The following GALNT12 variants were observed in gnomAD, a reference collection of about 807,000 sequenced individuals.
GALNT12 encodes the protein UDP-GalNAc:polypeptide N-acetylgalactosaminyltransferase 12.
A neutral mutation model predicts 55.5 loss-of-function variants in GALNT12; 45 were observed. The observed-to-expected ratio is 0.81, with a 90% CI of 0.64 to 1.04. The LOEUF (loss-of-function observed/expected upper bound fraction) is 1.04. GALNT12 is among the 50% of genes least tolerant of loss of function. The pLI, the probability that GALNT12 is intolerant of heterozygous loss-of-function variation, is 0.00. For missense variants in GALNT12, 709 were observed against 754.8 expected, an observed-to-expected ratio of 0.94 and a Z score of 0.71; for synonymous variants, 304 against 312.2, an observed-to-expected ratio of 0.97 and a Z score of 0.28.
chr9:98,831,684 A>C, intron 3 of GALNT12, 88 bp from the exon 4 acceptor site: 1 of 1,414,008 alleles, frequency 7.1e-7, no homozygotes, highest in South Asian at 1.2e-5. Context: ...ATTGGAAGGA[A>C]GACAAGAATT....
chr9:98,827,467 C>T (rs544905553), intron 3 of GALNT12, among the ~76,000 whole-genome samples: 25 of 152,260 alleles, frequency 1.6e-4, no homozygotes, highest in African/African-American at 5.5e-4. Context: ...GCCACCACAC[C>T]GGCCTTATTA....
At chr9:98,810,673 C>T (rs370251243) in intron 1 of GALNT12, among the ~76,000 whole-genome samples, 2 of 152,106 alleles carry the variant, frequency 1.3e-5, no homozygotes, top group East Asian at 3.9e-4. Flanking sequence ...ACTGTGTCTG[C>T]CTTCTTGAAG....
intron 1 of GALNT12, among the ~76,000 whole-genome samples, chr9:98,821,594 C>T (rs1835740031): frequency 7.6e-6 from 1 of 131,708 alleles, no homozygotes; most frequent in East Asian, 2.3e-4. Flanking sequence ...CACCGCACTC[C>T]AGCCTGGGCA....
intron 7 of GALNT12, among the ~76,000 whole-genome samples, chr9:98,843,067 GAA>G (rs1156867242): frequency 6.6e-6 from 1 of 152,178 alleles, no homozygotes; most frequent in Non-Finnish European, 1.5e-5. Context: ...ATTGGGCAGA[GAA>G]AGGAAATTCG....
At chr9:98,819,410 T>A (rs1016659462) in intron 1 of GALNT12, among the ~76,000 whole-genome samples, 3 of 152,210 alleles carry the variant, frequency 2.0e-5, no homozygotes, top group Admixed American at 1.3e-4. Context: ...GCCCAGTGGC[T>A]TCACAACACC....
rs374166991 is a variant in GALNT12 at position 98,848,983 on chromosome 9, A to G, written c.1637A>G (p.Lys546Arg). 4 of 1,614,234 alleles carry G rather than the reference A, an allele frequency of 2.5e-6. No homozygotes were observed. In the African/African-American group the frequency reaches 5.3e-5, roughly 22 times the overall value. The change falls in exon 10 of 10, where the codon AAA becomes AGA. Residue 546 changes from lysine (K) to arginine (R), a missense_variant. Lys to Arg is a conservative substitution (Grantham distance 26, BLOSUM62 2). This residue lies in a region of GALNT12 where 262 missense variants were observed against 310.7 expected (regional missense o/e 0.84). Transcript: ENST00000375011. ...DGSLFHEQSK[K>R]CVQAARKESS... ...TCTTTATTTCACGAACAGTCCAAGAAATGTGTCCAGGCTGCGAGGAAGGAG... is the reference window on the plus strand; with the variant it reads ...TCTTTATTTCACGAACAGTCCAAGAGATGTGTCCAGGCTGCGAGGAAGGAG...
At chr9:98,834,513 C>G (rs1836085061) in intron 4 of GALNT12, among the ~76,000 whole-genome samples, 1 of 152,208 alleles carries the variant, frequency 6.6e-6, no homozygotes, top group South Asian at 2.1e-4. Flanking sequence ...AAGCCGTGGG[C>G]CGTTTCTGGT....
At chr9:98,830,149 T>A (rs1379054521) in intron 3 of GALNT12, among the ~76,000 whole-genome samples, 3 of 152,192 alleles carry the variant, frequency 2.0e-5, no homozygotes, top group Non-Finnish European at 4.4e-5. Flanking sequence ...CTGGTCCCAT[T>A]TGGATCTAAC....
rs775925966 is a variant in GALNT12 at position 98,831,886 on chromosome 9, G to A, written c.846G>A (p.Arg282=). 2.5e-6 allele frequency: 4 copies of A among 1,614,172 alleles called. No individual in the cohort carries two copies. Among genetic ancestry groups the A allele is most frequent in the East Asian group, 4.5e-5 (2 of 44,862 alleles). ...GEPQIGGFDW[R]LVFTWHTVPE... is the part of the protein sequence containing the mutation. ...CCCAGATCGGCGGTTTCGACTGGAG[G>A]CTGGTGTTCACGTGGCACACAGTTC... The change falls in exon 4 of 10, where the codon AGG becomes AGA. Residue 282 remains arginine (R), a synonymous_variant. Transcript: ENST00000375011.
At chr9:98,844,856 C>G (rs911433929) in intron 8 of GALNT12, among the ~76,000 whole-genome samples, 1 of 151,994 alleles carries the variant, frequency 6.6e-6, no homozygotes, top group African/African-American at 2.4e-5. Flanking sequence ...GACCCCCAGC[C>G]CTGGAAAGCA....
chr9:98,817,620 C>T (rs1245605805), intron 1 of GALNT12, among the ~76,000 whole-genome samples: 2 of 151,948 alleles, frequency 1.3e-5, no homozygotes, highest in Non-Finnish European at 2.9e-5. Context: ...CCCACCACCA[C>T]GTTCTGCTAA....
chr9:98,820,093 TC>T (rs919764175), intron 1 of GALNT12, among the ~76,000 whole-genome samples: 1 of 152,180 alleles, frequency 6.6e-6, no homozygotes, highest in African/African-American at 2.4e-5. Context: ...TGTCTTTTTT[TC>T]CCCCCAGGTT....
intron 3 of GALNT12, among the ~76,000 whole-genome samples, chr9:98,829,154 TATCTATC>T (rs1473301352): frequency 4.9e-4 from 18 of 36,890 alleles, no homozygotes; most frequent in African/African-American, 1.6e-3. Context: ...TAATTTTTTT[TATCTATC>T]TATCTATCTA....
intron 4 of GALNT12, 115 bp from the exon 5 acceptor site, chr9:98,835,134 A>G: frequency 1.2e-6 from 1 of 812,326 alleles, no homozygotes; most frequent in Non-Finnish European, 2.2e-6. Flanking sequence ...TGAAGGCGGG[A>G]TATGCTTAGA....
rs1254377085 is a variant in GALNT12, at chr9:98,835,252, T to C, written c.921T>C (p.Ser307=). The C allele has an allele frequency of 6.2e-7, 1 of 1,609,612 alleles. No homozygotes were observed. The highest frequency in any genetic ancestry group is 1.3e-5 in the African/African-American group (1 of 74,838). The change falls in exon 5 of 10, where the codon TCT becomes TCC. Residue 307 remains serine (S), a synonymous_variant. Transcript: ENST00000375011. ...RMQSPVDVIR[S]PTMAGGLFAV... ...TAAGGATATCATACTTTTTTAGGTC[T>C]CCAACAATGGCTGGTGGGCTGTTTG...
intron 1 of GALNT12, among the ~76,000 whole-genome samples, chr9:98,814,642 A>G (rs978646477): frequency 6.6e-5 from 10 of 151,850 alleles, no homozygotes; most frequent in African/African-American, 2.4e-4. Context: ...CCTGGGAGGC[A>G]GAGGTGGCAG....
chr9:98,847,855 A>G (rs1836457122), intron 9 of GALNT12, among the ~76,000 whole-genome samples: 1 of 137,872 alleles, frequency 7.3e-6, no homozygotes, highest in East Asian at 2.1e-4. Flanking sequence ...TTGCTCCACC[A>G]AGGCTGGAGT....
chr9:98,814,357 T>TCTCC (rs1835566600), intron 1 of GALNT12, among the ~76,000 whole-genome samples: 2 of 152,110 alleles, frequency 1.3e-5, no homozygotes, highest in Non-Finnish European at 2.9e-5. Context: ...CTACAGAGGA[T>TCTCC]ATGATTTGAT....
Position 98,845,997 on chromosome 9 carries a change from G to A in GALNT12, c.1479G>A (p.Gln493=). 1 of 1,614,194 alleles carries A rather than the reference G, an allele frequency of 6.2e-7. No individual in the cohort carries two copies. The highest frequency in any genetic ancestry group is 8.5e-7 in the Non-Finnish European group (1 of 1,180,026). Residue 493 remains glutamine, a synonymous_variant, in exon 9 of 10, where the codon CAG becomes CAA. Coordinates refer to ENST00000375011, the MANE Select transcript of GALNT12 (RefSeq NM_024642.5). The stretch of plus-strand genomic sequence containing the variant: ...TTTAGTTTTTCGAGTACACGTCCCA[G>A]AAAGAAATACGCTATAACACCCACC... ...GQNQFFEYTS[Q]KEIRYNTHQP...
Sources: allele counts gnomAD v4.1 joint callset (sites outside exome capture counted in the v4.1 genomes callset), GRCh38; gene constraint gnomAD v4.1.1; regional missense constraint gnomAD v4.1.1; transcripts MANE v1.5; gene names NCBI Gene and HGNC (gene_info 2026-07-23, HGNC 2026-07-21).